Variants in SPOP observed in about 807,000 individuals in gnomAD.
SPOP encodes speckle type BTB/POZ protein.
SPOP carries 11 observed loss-of-function variants against 45.6 expected under a neutral mutation model. The ratio of observed to expected loss-of-function variants is 0.24; its 90% CI spans 0.15 to 0.40. SPOP has a LOEUF of 0.40. SPOP is among the 10% of genes least tolerant of loss of function. SPOP has a pLI of 1.00. For synonymous variants in SPOP, 166 were observed against 166.3 expected (o/e 1.00, Z 0.01); for missense variants, 152 against 465.6 (o/e 0.33, Z 6.20).
intron 1 of SPOP, among the ~76,000 whole-genome samples, chr17:49,663,490 G>A (rs2073015193): frequency 6.6e-6 from 1 of 152,198 alleles, no homozygotes; most frequent in African/African-American, 2.4e-5. Flanking sequence ...TCACACAGGT[G>A]ACTTTAAAAA....
At chr17:49,604,374 C>A (rs1399685418) in intron 8 of SPOP, among the ~76,000 whole-genome samples, 2 of 152,292 alleles carry the variant, frequency 1.3e-5, no homozygotes, top group Non-Finnish European at 2.9e-5. Flanking sequence ...CAATCTTCTT[C>A]ATCAGGAGCA....
intron 5 of SPOP, chr17:49,618,439 T>C (rs564931904): frequency 2.4e-6 from 1 of 415,120 alleles, no homozygotes; most frequent in East Asian, 7.0e-5. Context: ...CAGATAACTC[T>C]GTGAGCTAAC....
intron 1 of SPOP, among the ~76,000 whole-genome samples, chr17:49,648,040 T>TAA (rs1000390010): frequency 6.6e-6 from 1 of 152,196 alleles, no homozygotes; most frequent in African/African-American, 2.4e-5. Flanking sequence ...CTCAATTGCT[T>TAA]AAGCTAAAAA....
At chr17:49,617,879 G>A (rs2072121376) in intron 5 of SPOP, among the ~76,000 whole-genome samples, 1 of 148,628 alleles carries the variant, frequency 6.7e-6, no homozygotes, top group Middle Eastern at 3.5e-3. Context: ...AGCCAAGGTT[G>A]CGCCACTGCA....
intron 6 of SPOP, among the ~76,000 whole-genome samples, chr17:49,608,901 ATT>A (rs879850816): frequency 1.4e-5 from 2 of 145,244 alleles, no homozygotes; most frequent in African/African-American, 2.5e-5. Context: ...TAGCTCTGCC[ATT>A]TTTTTTTTTT....
chr17:49,641,460 G>A (rs1327148777), intron 1 of SPOP, among the ~76,000 whole-genome samples: 1 of 151,434 alleles, frequency 6.6e-6, no homozygotes, highest in East Asian at 1.9e-4. Flanking sequence ...CACCCAGACA[G>A]TGTCTGGCAC....
At chr17:49,654,051 A>G (rs568653509) in intron 1 of SPOP, among the ~76,000 whole-genome samples, 7 of 152,322 alleles carry the variant, frequency 4.6e-5, no homozygotes, top group Admixed American at 4.6e-4. Flanking sequence ...ATGTACAACT[A>G]AATTCCTCTA....
In SPOP at chr17:49,599,945, A is replaced by G. The variant is rs1017361208; in HGVS notation, c.*433T>C. Reference sequence around the variant, plus strand: ...TGGAATCCACAAACTGATTTTTGAGAAATTCTGCAAAAATCTTTTCTTCTT... The same window carrying G: ...TGGAATCCACAAACTGATTTTTGAGGAATTCTGCAAAAATCTTTTCTTCTT... On this transcript the variant is annotated 3_prime_UTR_variant, in exon 10 of 10. Coordinates refer to ENST00000504102, the MANE Select transcript of SPOP (RefSeq NM_001007228.2). 1 of 230,976 alleles carries G rather than the reference A, an allele frequency of 4.3e-6. No individual in the cohort carries two copies. The highest frequency in any genetic ancestry group is 8.6e-6 in the Non-Finnish European group (1 of 116,050). 14.3% of individuals were successfully genotyped at this position (230,976 alleles called of 1,614,324 possible).
intron 6 of SPOP, among the ~76,000 whole-genome samples, chr17:49,609,953 C>T (rs567251182): frequency 2.6e-5 from 4 of 151,902 alleles, no homozygotes; most frequent in South Asian, 2.1e-4. Flanking sequence ...GCTTTGTCCA[C>T]GAGGAAGAAC....
At chr17:49,620,334 A>C (rs2072195425) in intron 3 of SPOP, among the ~76,000 whole-genome samples, 1 of 151,064 alleles carries the variant, frequency 6.6e-6, no homozygotes, top group South Asian at 2.1e-4. Context: ...CAGGCGTGCT[A>C]GTGGGCACCT....
intron 5 of SPOP, among the ~76,000 whole-genome samples, chr17:49,614,352 A>G (rs1327273914): frequency 6.6e-6 from 1 of 152,252 alleles, no homozygotes; most frequent in African/African-American, 2.4e-5. Context: ...TTTTAGAAAC[A>G]TAATGTGAAA....
chr17:49,623,715 G>C (rs1046244658), intron 1 of SPOP, among the ~76,000 whole-genome samples: 2 of 151,938 alleles, frequency 1.3e-5, no homozygotes, highest in African/African-American at 4.8e-5. Context: ...CAGCATTCGT[G>C]ATCTCTCCCT....
chr17:49,673,288 G>A (rs1217588800), intron 1 of SPOP, among the ~76,000 whole-genome samples: 1 of 151,920 alleles, frequency 6.6e-6, no homozygotes, highest in Non-Finnish European at 1.5e-5. Context: ...GGTGGATCAC[G>A]AGGTCAGGAG....
chr17:49,637,631 G>A (rs991431433), intron 1 of SPOP, among the ~76,000 whole-genome samples: 7 of 152,144 alleles, frequency 4.6e-5, no homozygotes, highest in Non-Finnish European at 1.0e-4. Flanking sequence ...GATTATAGGC[G>A]TGAGCCACTG....
At chr17:49,621,849 G>A in intron 3 of SPOP, 97 bp downstream of exon 3, 2 of 1,360,232 alleles carry the variant, frequency 1.5e-6, no homozygotes, top group African/African-American at 1.4e-5. Context: ...AAAAGTCCTG[G>A]CCTTCATGGA....
intron 1 of SPOP, among the ~76,000 whole-genome samples, chr17:49,670,723 CAGTA>C (rs2073124995): frequency 6.6e-6 from 1 of 152,156 alleles, no homozygotes; most frequent in African/African-American, 2.4e-5. Context: ...CCTGAGTCTA[CAGTA>C]CATGACAGAA....
At chr17:49,622,090 C>T (rs776028656) in intron 2 of SPOP, 23 bp from the exon 3 acceptor site, 4 of 1,610,272 alleles carry the variant, frequency 2.5e-6, no homozygotes, top group Admixed American at 3.4e-5. Context: ...AAACAGGAAG[C>T]AATTAAATAG....
chr17:49,676,553 G>C (rs2073202050), intron 1 of SPOP, among the ~76,000 whole-genome samples: 1 of 152,254 alleles, frequency 6.6e-6, no homozygotes, highest in African/African-American at 2.4e-5. Context: ...AAAGAGAATT[G>C]AAAGTAAGGC....
intron 5 of SPOP, among the ~76,000 whole-genome samples, chr17:49,613,180 A>G (rs1038451000): frequency 2.0e-5 from 3 of 152,018 alleles, no homozygotes; most frequent in Admixed American, 2.0e-4. Context: ...TGCTTCTGCC[A>G]CTTTCTCATA....
Sources: gnomAD v4.1 joint callset for allele counts (sites outside exome capture counted in the v4.1 genomes callset) on GRCh38, gnomAD v4.1.1 for gene constraint, MANE v1.5 for transcripts, NCBI Gene and HGNC (gene_info 2026-07-23, HGNC 2026-07-21) for gene names.